Variants in TNFRSF1A observed in about 807,000 individuals in gnomAD.
The protein encoded by TNFRSF1A is TNF receptor superfamily member 1A, also known as tumor necrosis factor receptor superfamily member 1A.
TNFRSF1A carries 9 observed loss-of-function variants against 41.6 expected under a neutral mutation model. That is an observed-to-expected ratio of 0.22 (90% CI 0.13 to 0.38). The LOEUF (loss-of-function observed/expected upper bound fraction) is 0.38. TNFRSF1A is among the 10% of genes least tolerant of loss of function. The pLI is 1.00. For synonymous variants in TNFRSF1A, 254 were observed against 248.6 expected (o/e 1.02, Z -0.21); for missense variants, 463 against 591.5 (o/e 0.78, Z 2.25).
Position 6,329,073 on chromosome 12 carries a change from C to T in TNFRSF1A, c.*239G>A, listed in dbSNP as rs201258377. 3 of 415,332 alleles carry T rather than the reference C, an allele frequency of 7.2e-6. No homozygotes were observed. Among genetic ancestry groups the T allele is most frequent in the Non-Finnish European group, 1.3e-5 (3 of 239,316 alleles). The allele number at this position is 415,332 out of a possible 1,614,324, so 25.7% of individuals were successfully genotyped here. A position where few individuals can be genotyped will look rare whatever the true frequency, so the allele number is the denominator to read the frequency against. ...GGGCATGAGGCATAGCGTCCCTCAT[C>T]CTCGCAAACCACCCACTCAGGCTCT... On this transcript the variant is annotated 3_prime_UTR_variant, in exon 10 of 10. Coordinates refer to ENST00000162749, the MANE Select transcript of TNFRSF1A (RefSeq NM_001065.4).
rs576948527 is a variant in TNFRSF1A at position 6,341,172 on chromosome 12, C to G, written c.39+604G>C. Reference sequence around the variant, plus strand: ...GACACTGTCCACTGGGTTGCCCTGCCCCATCCAGTGTCCCAGCCCATTCTC... The same window carrying G: ...GACACTGTCCACTGGGTTGCCCTGCGCCATCCAGTGTCCCAGCCCATTCTC... On this transcript the variant is annotated intron_variant, in intron 1 of 9. Coordinates refer to ENST00000162749, the MANE Select transcript of TNFRSF1A (RefSeq NM_001065.4). This position sits in a 1 kb window ranked among gnomAD's most constrained non-coding sequence, Gnocchi z 4.6. 2.0e-5 allele frequency among the ~76,000 whole-genome samples: 3 copies of G among 152,240 alleles called. No homozygotes were observed. In the East Asian group the frequency reaches 5.8e-4, roughly 29 times the overall value.
At position 6,330,690 on chromosome 12, in the gene TNFRSF1A, A is replaced by G; in HGVS notation, c.647T>C (p.Leu216Pro). The G allele has an allele frequency of 6.2e-7, 1 of 1,613,968 alleles. No individual in the cohort carries two copies. Among genetic ancestry groups the G allele is most frequent in the Non-Finnish European group, 8.5e-7 (1 of 1,179,858 alleles). Residue 216 changes from leucine (L) to proline (P), a missense_variant, in exon 7 of 10, where the codon CTG (leucine) becomes CCG (proline). This residue lies in a region of TNFRSF1A where 149 missense variants were observed against 239.4 expected (regional missense o/e 0.62). Coordinates refer to ENST00000162749, the MANE Select transcript of TNFRSF1A (RefSeq NM_001065.4). ...AAGGCAAAGACCAAAGAAAATGACC[A>G]GGGGCAACAGCACTGTGGTGCCTGC... The part of the protein sequence containing the change: ...EDSGTTVLLP[L>P]VIFFGLCLLS...
chr12:6,329,635 G>T lies in TNFRSF1A; in HGVS notation c.1058-13C>A. 1 of 1,589,036 alleles carries T rather than the reference G, an allele frequency of 6.3e-7. No individual in the cohort carries two copies. ...GCGGGGTCATCAGCTGCGGGGACGC[G>T]GGCCGGTGAGCCTCGGGCGGCAACC... On this transcript the variant is annotated splice_polypyrimidine_tract_variant and intron_variant, in intron 9 of 9. Coordinates refer to ENST00000162749, the MANE Select transcript of TNFRSF1A (RefSeq NM_001065.4).
chr12:6,336,189 GC>G (rs1948117819), intron 1 of TNFRSF1A, among the ~76,000 whole-genome samples: 2 of 152,318 alleles, frequency 1.3e-5, no homozygotes, highest in Admixed American at 6.5e-5. Context: ...CTTAAAGGGA[GC>G]TTTTCAGGGA....
intron 5 of TNFRSF1A, among the ~76,000 whole-genome samples, chr12:6,332,350 G>A (rs1342334403): frequency 6.7e-6 from 1 of 150,040 alleles, no homozygotes; most frequent in African/African-American, 2.4e-5. Context: ...AAGGCAAGAG[G>A]ATGGCTTGAG....
At position 6,333,013 on chromosome 12, in the gene TNFRSF1A, C is replaced by T; in HGVS notation, c.551+56G>A. 7.2e-6 allele frequency: 11 copies of T among 1,528,228 alleles called. 1 individual carries two copies. The highest frequency in any genetic ancestry group is 2.2e-5 in the South Asian group (2 of 89,228). 94.7% of individuals were successfully genotyped at this position (1,528,228 alleles called of 1,614,324 possible). On this transcript the variant is annotated intron_variant, in intron 5 of 9. Transcript: ENST00000162749. The surrounding 1 kb of genome is among the most constrained non-coding windows in gnomAD (Gnocchi z 6.3). ...TGCCCAGCTAATGGTTCCCACCAGT[C>T]ACCCGTCCCAACCCATGCCACCATC...
At position 6,341,705 on chromosome 12, in the gene TNFRSF1A, C is replaced by A; in HGVS notation, c.39+71G>T. On this transcript the variant is annotated intron_variant, in intron 1 of 9. Transcript: ENST00000162749. This position sits in a 1 kb window ranked among gnomAD's most constrained non-coding sequence, Gnocchi z 4.6. Reference sequence around the variant, plus strand: ...GGGCAGGAGAGGCTCGGCCCCCTCCCGGAGAGGGCCCACGCCAGCCGGAAG... The same window carrying A: ...GGGCAGGAGAGGCTCGGCCCCCTCCAGGAGAGGGCCCACGCCAGCCGGAAG... 1.3e-6 allele frequency: 2 copies of A among 1,575,692 alleles called. No homozygotes were observed. The highest frequency in any genetic ancestry group is 2.2e-5 in the South Asian group (2 of 89,624).
At position 6,328,827 on chromosome 12, in the gene TNFRSF1A, CAT is replaced by C. The variant is rs1391540361; in HGVS notation, c.*483_*484del. ...AGTCCACAGCTCCAGCTGAAGGCCC[CAT>C]TGTTCCGTGCTCGCCCCTGCCTTAG... is the stretch of plus-strand genomic sequence containing the variant. On this transcript the variant is annotated 3_prime_UTR_variant, in exon 10 of 10. Coordinates refer to ENST00000162749, the MANE Select transcript of TNFRSF1A (RefSeq NM_001065.4). The C allele has an allele frequency of 1.3e-5, 2 of 159,422 alleles. No individual in the cohort carries two copies. The allele number at this position is 159,422 out of a possible 1,614,324, so 9.9% of individuals were successfully genotyped here.
intron 5 of TNFRSF1A, among the ~76,000 whole-genome samples, chr12:6,332,498 C>G (rs914727722): frequency 2.7e-5 from 4 of 150,590 alleles, no homozygotes; most frequent in African/African-American, 9.8e-5. Context: ...AGAAACTTGC[C>G]CAACGTCACA....
rs1289887403 is a variant in TNFRSF1A at position 6,329,337 on chromosome 12, G to A, written c.1343C>T (p.Pro448Leu). 1.2e-5 allele frequency: 18 copies of A among 1,475,602 alleles called. No individual in the cohort carries two copies. Among genetic ancestry groups the A allele is most frequent in the Middle Eastern group, 1.9e-4 (1 of 5,400 alleles). The allele number at this position is 1,475,602 out of a possible 1,614,324, so 91.4% of individuals were successfully genotyped here. ...TCATCTGAGAAGACTGGGCGCGGGCGGGAGGGCGGCGGGGCCGCAAAGCGC... is the reference window on the plus strand; with the variant it reads ...TCATCTGAGAAGACTGGGCGCGGGCAGGAGGGCGGCGGGGCCGCAAAGCGC... ...EEALCGPAAL[P>L]PAPSLLR Residue 448 changes from proline to leucine, a missense_variant, in exon 10 of 10, where the codon CCG (proline) becomes CTG (leucine). By Grantham distance (98) the Pro-to-Leu change is moderately conservative. Transcript: ENST00000162749.
Position 6,341,742 on chromosome 12 carries a change from A to G in TNFRSF1A, c.39+34T>C, listed in dbSNP as rs200970938. On this transcript the variant is annotated intron_variant, in intron 1 of 9. Transcript: ENST00000162749. The surrounding 1 kb of genome is among the most constrained non-coding windows in gnomAD (Gnocchi z 4.6). ...ACGCCAGCCGGAAGGTGCCTCGCCC[A>G]CCAGCCCACTCTTCCCTTTGTCCCT... The G allele has an allele frequency of 1.2e-6, 2 of 1,613,314 alleles. No homozygotes were observed. The highest frequency in any genetic ancestry group is 1.3e-5 in the African/African-American group (1 of 75,026).
At position 6,333,442 on chromosome 12, in the gene TNFRSF1A, G is replaced by C. The variant is rs771210186; in HGVS notation, c.397C>G (p.Arg133Gly). Residue 133 changes from arginine to glycine, a missense_variant, in exon 4 of 10, where the codon CGG (arginine) becomes GGG (glycine). By Grantham distance (125) the Arg-to-Gly change is moderately radical. Around this residue, in one of 4 missense-constraint regions of TNFRSF1A, gnomAD observed 149 missense variants for 239.4 expected, o/e 0.62. Coordinates refer to ENST00000162749, the MANE Select transcript of TNFRSF1A (RefSeq NM_001065.4). The surrounding 1 kb of genome is among the most constrained non-coding windows in gnomAD (Gnocchi z 6.3). ...AAAAGGTTTTCACTCCAATAATGCC[G>C]GTACTGGTTCTTCCTGCAGCCACAC... Reference protein sequence around the residue: ...TVCGCRKNQYRHYWSENLFQC... With the variant: ...TVCGCRKNQYGHYWSENLFQC... The C allele has an allele frequency of 2.5e-6, 4 of 1,614,130 alleles. No individual in the cohort carries two copies. The highest frequency in any genetic ancestry group is 3.4e-6 in the Non-Finnish European group (4 of 1,180,010).
Position 6,333,890 on chromosome 12 carries a change from G to A in TNFRSF1A, c.194-25C>T, listed in dbSNP as rs1326725641. On this transcript the variant is annotated intron_variant, in intron 2 of 9. Transcript: ENST00000162749. The surrounding 1 kb of genome is among the most constrained non-coding windows in gnomAD (Gnocchi z 6.3). The stretch of plus-strand genomic sequence containing the variant: ...CCTGTGAATGGGGCCGCAGAGTTAG[G>A]CTGCGGGTGAGAACACAAGGAAGGA... The A allele has an allele frequency of 6.2e-7, 1 of 1,601,396 alleles. No individual in the cohort carries two copies. Among genetic ancestry groups the A allele is most frequent in the Non-Finnish European group, 8.5e-7 (1 of 1,173,356 alleles).
chr12:6,329,180 C>G lies in TNFRSF1A; in HGVS notation c.*132G>C. 1.2e-6 allele frequency: 1 copy of G among 861,458 alleles called. No homozygotes were observed. The highest frequency in any genetic ancestry group is 1.7e-6 in the Non-Finnish European group (1 of 603,622). 53.4% of individuals were successfully genotyped at this position (861,458 alleles called of 1,614,324 possible). A position where few individuals can be genotyped will look rare whatever the true frequency, so the allele number is the denominator to read the frequency against. ...GGCAGCTGAGAAAAGCTATGTACAT[C>G]GAGGGGTTAGCACCAAGTAGGCGGC... On this transcript the variant is annotated 3_prime_UTR_variant, in exon 10 of 10. Transcript: ENST00000162749.
In TNFRSF1A at chr12:6,341,779, T is replaced by C. The variant is rs767455; in HGVS notation, c.36A>G (p.Pro12=). Residue 12 remains proline, a synonymous_variant, in exon 1 of 10, where the codon CCA becomes CCG. Coordinates refer to ENST00000162749, the MANE Select transcript of TNFRSF1A (RefSeq NM_001065.4). The surrounding 1 kb of genome is among the most constrained non-coding windows in gnomAD (Gnocchi z 4.6). ...GLSTVPDLLL[P]LVLLELLVGI... ...TTCCCTTTGTCCCTGGTCTCACCAG[T>C]GGCAGCAGCAGGTCAGGCACGGTGG... 653,205 of 1,613,612 alleles carry C rather than the reference T, an allele frequency of 0.4. 135,701 individuals carry two copies. Among genetic ancestry groups the C allele is most frequent in the Non-Finnish European group, 0.43 (503,062 of 1,179,712 alleles).
intron 5 of TNFRSF1A, among the ~76,000 whole-genome samples, chr12:6,332,611 G>C (rs1350401386): frequency 6.6e-6 from 1 of 152,048 alleles, no homozygotes; most frequent in Non-Finnish European, 1.5e-5. Context: ...CAGGAGTAAG[G>C]AGGCCTGGAC....
In TNFRSF1A at chr12:6,332,000, CAAAA is replaced by C. The variant is rs750532640; in HGVS notation, c.551+1065_551+1068del. The stretch of plus-strand genomic sequence containing the variant: ...TGGGCGACAGAGCAGGACTCTGTGT[CAAAA>C]AAAAAAAAAAAAAAAAAAAAGAAGA... On this transcript the variant is annotated intron_variant, in intron 5 of 9. Coordinates refer to ENST00000162749, the MANE Select transcript of TNFRSF1A (RefSeq NM_001065.4). The C allele has an allele frequency of 8.5e-3, 667 of 78,342 alleles. No homozygotes were observed. The highest frequency in any genetic ancestry group is 0.019 in the South Asian group (172 of 9,022). The allele number at this position is 78,342 out of a possible 1,614,324, so 4.9% of individuals were successfully genotyped here. A position where few individuals can be genotyped will look rare whatever the true frequency, so the allele number is the denominator to read the frequency against.
chr12:6,330,794 GT>G (rs1009689221), intron 6 of TNFRSF1A, 58 bp downstream of exon 6: 1 of 1,586,106 alleles, frequency 6.3e-7, no homozygotes, highest in African/African-American at 1.3e-5. Context: ...GGATGGACGG[GT>G]GGGGGCAAGA....
In TNFRSF1A at chr12:6,341,998, C is replaced by A; in HGVS notation, c.-184G>T. ...CCCAGTGATCTTGAACCCCAAAGGC[C>A]AGAACTGGAGCCTCAGTCCAGAGAA... On this transcript the variant is annotated 5_prime_UTR_variant, in exon 1 of 10. Transcript: ENST00000162749. The surrounding 1 kb of genome is among the most constrained non-coding windows in gnomAD (Gnocchi z 4.6). The A allele has an allele frequency of 1.5e-6, 1 of 679,040 alleles. No homozygotes were observed. Among genetic ancestry groups the A allele is most frequent in the Non-Finnish European group, 2.7e-6 (1 of 372,084 alleles). 42.1% of individuals were successfully genotyped at this position (679,040 alleles called of 1,614,324 possible).
Sources: gnomAD v4.1 joint callset for allele counts (sites outside exome capture counted in the v4.1 genomes callset) on GRCh38, gnomAD v4.1.1 for gene constraint, gnomAD v4.1.1 regional missense constraint, Gnocchi (gnomAD v3.1) non-coding constraint, MANE v1.5 for transcripts, NCBI Gene and HGNC (gene_info 2026-07-23, HGNC 2026-07-21) for gene names.